Variants in RGS20 observed in about 807,000 individuals in gnomAD.
RGS20 encodes regulator of G protein signaling 20.
A neutral mutation model predicts 33.6 loss-of-function variants in RGS20; 30 were observed. That is an observed-to-expected ratio of 0.89 (90% CI 0.67 to 1.21). The LOEUF is 1.21. Ranked by LOEUF, RGS20 falls within the 50% of genes most tolerant of loss-of-function variation. The pLI is 0.00. For synonymous variants in RGS20, 208 were observed against 197.9 expected (o/e 1.05, Z -0.43); for missense variants, 472 against 502.4 (o/e 0.94, Z 0.58).
At chr8:53,914,037 CT>C (rs35840682) in intron 2 of RGS20, 64 of 136,756 alleles carry the variant, frequency 4.7e-4, no homozygotes, top group Non-Finnish European at 3.7e-4. Context: ...TCCAATCTCT[CT>C]TTTTTTTTTT....
intron 1 of RGS20, among the ~76,000 whole-genome samples, chr8:53,875,846 T>C (rs1267700864): frequency 2.0e-5 from 3 of 152,252 alleles, no homozygotes; most frequent in Non-Finnish European, 4.4e-5. Context: ...GGAACCTTAA[T>C]AATAGAAACA....
intron 4 of RGS20, among the ~76,000 whole-genome samples, chr8:53,947,590 C>T (rs1814546512): frequency 1.0e-5 from 1 of 95,922 alleles, no homozygotes. Context: ...TTTATATATG[C>T]TATATATAGG....
intron 1 of RGS20, among the ~76,000 whole-genome samples, chr8:53,858,508 A>G (rs780042941): frequency 1.4e-4 from 22 of 152,246 alleles, no homozygotes; most frequent in South Asian, 8.3e-4. Flanking sequence ...ATATACACAC[A>G]CACACACATC....
chr8:53,939,044 C>T (rs909150669), intron 2 of RGS20, among the ~76,000 whole-genome samples: 14 of 152,178 alleles, frequency 9.2e-5, no homozygotes, highest in African/African-American at 3.4e-4. Context: ...GGTGACGCAG[C>T]TAGGAAAGAT....
chr8:53,883,456 G>C (rs538295669), intron 2 of RGS20, among the ~76,000 whole-genome samples: 1 of 152,054 alleles, frequency 6.6e-6, no homozygotes, highest in Non-Finnish European at 1.5e-5. Flanking sequence ...GAGCCACTGC[G>C]CCTGGCCATA....
chr8:53,898,594 A>C (rs1005246274), intron 2 of RGS20, among the ~76,000 whole-genome samples: 3 of 152,228 alleles, frequency 2.0e-5, no homozygotes, highest in African/African-American at 7.2e-5. Context: ...TGTGGGCTCT[A>C]GATTACTTAG....
intron 5 of RGS20, among the ~76,000 whole-genome samples, chr8:53,956,239 G>C (rs75765471): frequency 0.017 from 2,562 of 152,266 alleles, 81 homozygotes; most frequent in African/African-American, 0.058. Flanking sequence ...CACAGATTGT[G>C]CCAGAAAGGG....
At chr8:53,910,912 C>A (rs1467558970) in intron 2 of RGS20, among the ~76,000 whole-genome samples, 2 of 152,056 alleles carry the variant, frequency 1.3e-5, no homozygotes, top group African/African-American at 4.8e-5. Context: ...TAATAATATA[C>A]CTAAACATGT....
intron 2 of RGS20, chr8:53,880,914 A>C: frequency 6.5e-7 from 1 of 1,538,376 alleles, no homozygotes; most frequent in Non-Finnish European, 8.7e-7. Context: ...GGCTAGAGCA[A>C]AGACCGAGAG....
intron 2 of RGS20, among the ~76,000 whole-genome samples, chr8:53,932,896 C>T (rs576526241): frequency 4.6e-4 from 70 of 152,294 alleles, no homozygotes; most frequent in African/African-American, 1.7e-3. Flanking sequence ...CTGGTGGGTG[C>T]CCCTCTGGGA....
At chr8:53,856,441 A>G (rs1428609282) in intron 1 of RGS20, among the ~76,000 whole-genome samples, 1 of 151,448 alleles carries the variant, frequency 6.6e-6, no homozygotes, top group Admixed American at 6.6e-5. Flanking sequence ...CTGGTCACAG[A>G]CTCCTGATCT....
intron 4 of RGS20, among the ~76,000 whole-genome samples, chr8:53,947,536 T>G (rs568313537): frequency 7.3e-6 from 1 of 137,382 alleles, no homozygotes; most frequent in Non-Finnish European, 1.5e-5. Context: ...ATATAGGATA[T>G]AGTATATACA....
rs1318293133 is a variant in RGS20, at chr8:53,877,701, C to T, written c.166-1557C>T. ...AAAATACTGGGAGAACGACCCCATT[C>T]TCCAGGAAAAGGTAATGAGGGGAAG... is the stretch of plus-strand genomic sequence containing the variant. On this transcript the variant is annotated intron_variant, in intron 1 of 5. Transcript: ENST00000297313. The surrounding 1 kb of genome is among the most constrained non-coding windows in gnomAD (Gnocchi z 5.7). Among the ~76,000 whole-genome samples, 1 of 152,206 alleles carries T rather than the reference C, an allele frequency of 6.6e-6. No individual in the cohort carries two copies. The highest frequency in any genetic ancestry group is 6.5e-5 in the Admixed American group (1 of 15,288).
chr8:53,929,184 G>C (rs1813885293), intron 2 of RGS20, among the ~76,000 whole-genome samples: 1 of 152,158 alleles, frequency 6.6e-6, no homozygotes, highest in Non-Finnish European at 1.5e-5. Context: ...CAAGAAGCAG[G>C]GTTTTGAGAA....
intron 2 of RGS20, among the ~76,000 whole-genome samples, chr8:53,905,014 C>T (rs1007102475): frequency 2.0e-5 from 3 of 152,166 alleles, no homozygotes; most frequent in East Asian, 1.9e-4. Flanking sequence ...CTGGGGCTTA[C>T]ACATTTGGCA....
At chr8:53,854,696 G>A (rs1218404605) in intron 1 of RGS20, among the ~76,000 whole-genome samples, 1 of 152,148 alleles carries the variant, frequency 6.6e-6, no homozygotes, top group African/African-American at 2.4e-5. Context: ...CAGCCAATCT[G>A]GAAAACAATT....
intron 2 of RGS20, among the ~76,000 whole-genome samples, chr8:53,917,091 C>T (rs1330708569): frequency 6.6e-6 from 1 of 152,068 alleles, no homozygotes; most frequent in Non-Finnish European, 1.5e-5. Context: ...GTGTTTTTTT[C>T]AGTTCTGGAA....
chr8:53,855,792 C>T (rs973983014), intron 1 of RGS20, among the ~76,000 whole-genome samples: 12 of 152,188 alleles, frequency 7.9e-5, no homozygotes, highest in Admixed American at 3.3e-4. Context: ...CCTCTAAAGG[C>T]AGGTTAAACT....
intron 1 of RGS20, among the ~76,000 whole-genome samples, chr8:53,861,213 C>A (rs148213607): frequency 3.7e-3 from 569 of 152,260 alleles, no homozygotes; most frequent in South Asian, 0.014. Context: ...CTCTGTTTAT[C>A]TCCTATTCCC....
Sources: allele counts gnomAD v4.1 joint callset (sites outside exome capture counted in the v4.1 genomes callset), GRCh38; gene constraint gnomAD v4.1.1; non-coding constraint Gnocchi (gnomAD v3.1); transcripts MANE v1.5; gene names NCBI Gene and HGNC (gene_info 2026-07-23, HGNC 2026-07-21).